Variants in KDM4B observed in about 807,000 individuals in gnomAD.
KDM4B encodes the protein lysine demethylase 4B, also known as lysine-specific demethylase 4B.
Under a neutral mutation model 125.2 loss-of-function variants are expected in KDM4B, and 32 were observed. The ratio of observed to expected loss-of-function variants is 0.26; its 90% CI spans 0.19 to 0.34. KDM4B has a LOEUF of 0.34. Among genes scored for constraint, KDM4B ranks in the 10% least tolerant of loss-of-function variants. The pLI is 1.00. For missense variants in KDM4B, 1,190 were observed against 1,577.7 expected (o/e 0.75, Z 4.16); for synonymous variants, 721 against 677.9 (o/e 1.06, Z -0.99).
At chr19:5,042,680 G>GA (rs554849163) in intron 5 of KDM4B, among the ~76,000 whole-genome samples, 2 of 150,752 alleles carry the variant, frequency 1.3e-5, no homozygotes, top group Non-Finnish European at 3.0e-5. Context: ...AGGAGAGAGT[G>GA]AGGGGGGGGG....
intron 10 of KDM4B, chr19:5,111,330 A>C: frequency 1.3e-6 from 1 of 741,402 alleles, no homozygotes; most frequent in Middle Eastern, 2.3e-4. Context: ...GGATTTCAGA[A>C]GGCCGGCCCC....
At chr19:5,098,165 A>C (rs1448498609) in intron 9 of KDM4B, among the ~76,000 whole-genome samples, 4 of 152,224 alleles carry the variant, frequency 2.6e-5, no homozygotes, top group African/African-American at 9.6e-5. Context: ...CTCCATGTGT[A>C]GTACATGGTC....
Position 5,009,173 on chromosome 19 carries a change from C to T in KDM4B, c.-108-7084C>T, listed in dbSNP as rs530484161. 9.7e-4 allele frequency among the ~76,000 whole-genome samples: 147 copies of T among 152,236 alleles called. 1 individual carries two copies. The highest frequency in any genetic ancestry group is 3.2e-3 in the African/African-American group (133 of 41,532). ...CGAAAGATCTGCTCACCTTGGCCTC[C>T]CAAAGTGCTGGGATTCCAGGTGTGA... On this transcript the variant is annotated intron_variant, in intron 1 of 22. Coordinates refer to ENST00000159111, the MANE Select transcript of KDM4B (RefSeq NM_015015.3).
At chr19:5,077,663 A>G in intron 8 of KDM4B, 193 bp downstream of exon 8, 1 of 570,846 alleles carries the variant, frequency 1.8e-6, no homozygotes, top group South Asian at 2.1e-5. Context: ...CGAAGATGGC[A>G]GAGCTTGAAT....
chr19:5,114,225 C>T lies in KDM4B; in HGVS notation c.1115+3407C>T, dbSNP rs539008712. 1.6e-5 allele frequency: 20 copies of T among 1,289,370 alleles called. No homozygotes were observed. The highest frequency in any genetic ancestry group is 1.5e-4 in the African/African-American group (10 of 65,986). The allele number at this position is 1,289,370 out of a possible 1,614,324, so 79.9% of individuals were successfully genotyped here. A position where few individuals can be genotyped will look rare whatever the true frequency, so the allele number is the denominator to read the frequency against. Reference sequence around the variant, plus strand: ...CCATGTGCACGTGCTCCAGCAGGTACGCGCTCCCTGCAGGACATCTGTGCA... The same window carrying T: ...CCATGTGCACGTGCTCCAGCAGGTATGCGCTCCCTGCAGGACATCTGTGCA... On this transcript the variant is annotated intron_variant, in intron 10 of 22. Transcript: ENST00000159111. The surrounding 1 kb of genome is among the most constrained non-coding windows in gnomAD (Gnocchi z 5.8).
chr19:4,998,990 G>A lies in KDM4B; in HGVS notation c.-108-17267G>A, dbSNP rs994878225. 3.3e-4 allele frequency among the ~76,000 whole-genome samples: 50 copies of A among 152,118 alleles called. 3 individuals are homozygous for A. On this transcript the variant is annotated intron_variant, in intron 1 of 22. Transcript: ENST00000159111. ...TTGATCCTTTGGTTAAGGTGGGCCC[G>A]CCAGGTTTCCCCACCCTAACATTAC... is the stretch of plus-strand genomic sequence containing the variant.
At chr19:5,007,317 A>G (rs2035591904) in intron 1 of KDM4B, among the ~76,000 whole-genome samples, 1 of 151,998 alleles carries the variant, frequency 6.6e-6, no homozygotes, top group African/African-American at 2.4e-5. Context: ...CCCTTGCTTC[A>G]TTGCTGTGAT....
chr19:5,091,487 G>A (rs1000229053), intron 9 of KDM4B, among the ~76,000 whole-genome samples: 1 of 152,112 alleles, frequency 6.6e-6, no homozygotes. Flanking sequence ...GCCATTCCAG[G>A]AAACGGCCCA....
intron 1 of KDM4B, among the ~76,000 whole-genome samples, chr19:5,014,526 C>T (rs1301412210): frequency 3.3e-5 from 5 of 152,042 alleles, no homozygotes; most frequent in Non-Finnish European, 7.4e-5. Flanking sequence ...CCACCCGCCT[C>T]GGCCTCCCAA....
At chr19:5,096,675 G>A (rs576259307) in intron 9 of KDM4B, among the ~76,000 whole-genome samples, 6 of 140,972 alleles carry the variant, frequency 4.3e-5, no homozygotes, top group Admixed American at 2.8e-4. Context: ...AGTGTCCCGC[G>A]GTGCCCCCGG....
chr19:5,138,325 G>A (rs2039684866), intron 18 of KDM4B: 1 of 519,782 alleles, frequency 1.9e-6, no homozygotes, highest in Admixed American at 3.5e-5. Context: ...CGTCAGGTGT[G>A]GCCTTGGGGG....
chr19:5,035,883 G>GCA lies in KDM4B; in HGVS notation c.141+2853_141+2854insAC, dbSNP rs1483723812. ...TGTCTCTGTGTGTGTGTGTGTGTGC[G>GCA]CGCGCGCGCGCGCCTGCGCGCACAG... On this transcript the variant is annotated intron_variant, in intron 3 of 22. Transcript: ENST00000159111. This position sits in a 1 kb window ranked among gnomAD's most constrained non-coding sequence, Gnocchi z 5.3. Among the ~76,000 whole-genome samples, 17 of 96,138 alleles carry GCA rather than the reference G, an allele frequency of 1.8e-4. No individual in the cohort carries two copies. Among genetic ancestry groups the GCA allele is most frequent in the Admixed American group, 4.7e-4 (5 of 10,624 alleles). 63.1% of individuals were successfully genotyped at this position (96,138 alleles called of 152,430 possible).
At chr19:5,059,719 G>T (rs995271444) in intron 6 of KDM4B, among the ~76,000 whole-genome samples, 1 of 152,226 alleles carries the variant, frequency 6.6e-6, no homozygotes, top group African/African-American at 2.4e-5. Context: ...GGCGGTCACC[G>T]TGTTTCCTCA....
intron 1 of KDM4B, among the ~76,000 whole-genome samples, chr19:4,972,097 C>A (rs1055881374): frequency 2.6e-5 from 4 of 152,200 alleles, no homozygotes; most frequent in Non-Finnish European, 5.9e-5. Context: ...CAGCCCTCCC[C>A]CTTCCTGCCC....
rs776579000 is a variant in KDM4B, at chr19:5,135,479, G to A, written c.2226G>A (p.Pro742=). The A allele has an allele frequency of 1.4e-5, 23 of 1,613,022 alleles. No homozygotes were observed. The highest frequency in any genetic ancestry group is 8.3e-5 in the Admixed American group (5 of 60,004). ...CFTSGGENTE[P]LPANSYIGDD... is the part of the protein sequence containing the mutation. ...CCTCTGGCGGTGAGAACACGGAGCC[G>A]CTGCCTGCCAACTCCTACATCGGCG... The change falls in exon 15 of 23, where the codon CCG becomes CCA. Residue 742 remains proline, a synonymous_variant. Coordinates refer to ENST00000159111, the MANE Select transcript of KDM4B (RefSeq NM_015015.3).
rs533320434 is a variant in KDM4B at position 5,054,232 on chromosome 19, G to A, written c.626+6563G>A. Among the ~76,000 whole-genome samples, 5 of 152,298 alleles carry A rather than the reference G, an allele frequency of 3.3e-5. 1 individual carries two copies. The East Asian group carries it at 7.7e-4, about 24-fold the overall frequency. ...CCTAAATAGCTGGGACCACAGGCACGTGCACAACTGGCAAATTTTTAAATT... is the reference window on the plus strand; with the variant it reads ...CCTAAATAGCTGGGACCACAGGCACATGCACAACTGGCAAATTTTTAAATT... On this transcript the variant is annotated intron_variant, in intron 6 of 22. Transcript: ENST00000159111.
At chr19:5,047,815 G>A (rs1332096523) in intron 6 of KDM4B, 146 bp downstream of exon 6, 2 of 754,576 alleles carry the variant, frequency 2.7e-6, no homozygotes, top group African/African-American at 3.5e-5. Flanking sequence ...AGATCTTCCG[G>A]ACCGCCTGGG....
chr19:5,144,899 C>T lies in KDM4B; in HGVS notation c.3018C>T (p.Tyr1006=), dbSNP rs1204097440. ...TCTCCTCCGTCACCAGCCACATCTA[C>T]CAGGTAAGCGGGGGATCTGGCAGCC... ...KFISSVTSHI[Y]QVEFEDGSQL... Residue 1006 remains tyrosine (Y), a synonymous_variant, in exon 21 of 23, where the codon TAC becomes TAT. Transcript: ENST00000159111. 3.1e-6 allele frequency: 5 copies of T among 1,613,148 alleles called. No homozygotes were observed. The African/African-American group carries it at 6.7e-5, about 22-fold the overall frequency.
At chr19:5,059,339 G>T (rs982530754) in intron 6 of KDM4B, among the ~76,000 whole-genome samples, 1 of 152,218 alleles carries the variant, frequency 6.6e-6, no homozygotes, top group South Asian at 2.1e-4. Context: ...GAAACGGGGC[G>T]GGCGCAGGAT....
Sources: allele counts gnomAD v4.1 joint callset (sites outside exome capture counted in the v4.1 genomes callset), GRCh38; gene constraint gnomAD v4.1.1; non-coding constraint Gnocchi (gnomAD v3.1); transcripts MANE v1.5; gene names NCBI Gene and HGNC (gene_info 2026-07-23, HGNC 2026-07-21).